Variants in POT1 observed in about 807,000 individuals in gnomAD.
POT1 encodes protection of telomeres 1.
POT1 carries 47 observed loss-of-function variants against 78.5 expected under a neutral mutation model. The observed-to-expected ratio is 0.60, with a 90% CI of 0.47 to 0.76. The LOEUF is 0.76. Ranked by LOEUF, POT1 falls within the 30% of genes least tolerant of loss-of-function variation. The pLI, the probability that POT1 is intolerant of heterozygous loss-of-function variation, is 0.00. For synonymous variants in POT1, 259 were observed against 260.7 expected, an observed-to-expected ratio of 0.99 and a Z score of 0.06; for missense variants, 646 against 749.9, an observed-to-expected ratio of 0.86 and a Z score of 1.62.
chr7:124,870,116 A>G (rs755766634), intron 7 of POT1, among the ~76,000 whole-genome samples: 2 of 152,182 alleles, frequency 1.3e-5, no homozygotes, highest in African/African-American at 2.4e-5. Context: ...GTAACAGAGG[A>G]AAAGATGAAG....
chr7:124,875,139 A>G (rs981662838), intron 6 of POT1, among the ~76,000 whole-genome samples: 2 of 152,170 alleles, frequency 1.3e-5, no homozygotes, highest in African/African-American at 2.4e-5. Flanking sequence ...TCCAAAGACC[A>G]AAGATAAATT....
chr7:124,854,750 A>T (rs1181725806), intron 9 of POT1, among the ~76,000 whole-genome samples: 4 of 151,988 alleles, frequency 2.6e-5, no homozygotes, highest in African/African-American at 9.7e-5. Flanking sequence ...AAAAAGAAAA[A>T]AATAATTTTC....
intron 6 of POT1, among the ~76,000 whole-genome samples, chr7:124,888,362 C>T (rs923568327): frequency 1.3e-5 from 2 of 152,066 alleles, no homozygotes; most frequent in Admixed American, 6.6e-5. Context: ...TGTCGCAATA[C>T]TGTTACTTTT....
chr7:124,907,522 T>C (rs545931154), intron 3 of POT1, among the ~76,000 whole-genome samples: 32 of 152,216 alleles, frequency 2.1e-4, no homozygotes, highest in African/African-American at 7.5e-4. Context: ...GAAGGATGAA[T>C]AGGCAGAGCA....
In POT1 at chr7:124,840,929, T is replaced by C. The variant is rs779237109; in HGVS notation, c.1369+44A>G. 7 of 1,426,298 alleles carry C rather than the reference T, an allele frequency of 4.9e-6. No individual in the cohort carries two copies. In the African/African-American group the frequency reaches 8.5e-5, roughly 17 times the overall value. The allele number at this position is 1,426,298 out of a possible 1,614,324, so 88.4% of individuals were successfully genotyped here. A position where few individuals can be genotyped will look rare whatever the true frequency, so the allele number is the denominator to read the frequency against. On this transcript the variant is annotated intron_variant, in intron 14 of 18. Transcript: ENST00000357628. ...AAACAATAATTAATTAGGAAAAATATGCAAAAGGAGTATTCTAACAAAACA... is the reference window on the plus strand; with the variant it reads ...AAACAATAATTAATTAGGAAAAATACGCAAAAGGAGTATTCTAACAAAACA...
At chr7:124,905,863 T>C (rs544932419) in intron 3 of POT1, among the ~76,000 whole-genome samples, 13 of 152,314 alleles carry the variant, frequency 8.5e-5, no homozygotes, top group African/African-American at 3.1e-4. Context: ...AAGACATTTA[T>C]GCAGCCAACA....
chr7:124,894,563 T>C (rs1261421718), intron 5 of POT1, among the ~76,000 whole-genome samples: 1 of 151,648 alleles, frequency 6.6e-6, no homozygotes, highest in Non-Finnish European at 1.5e-5. Flanking sequence ...AATTCATAAA[T>C]TGATATTTTT....
chr7:124,843,148 C>A, intron 12 of POT1, 185 bp from the exon 13 acceptor site: 1 of 413,396 alleles, frequency 2.4e-6, no homozygotes, highest in South Asian at 7.2e-5. Flanking sequence ...TAGTGCCAGG[C>A]ACAGTAGGTA....
At chr7:124,925,210 A>C (rs1372497829) in intron 2 of POT1, among the ~76,000 whole-genome samples, 1 of 152,074 alleles carries the variant, frequency 6.6e-6, no homozygotes, top group Non-Finnish European at 1.5e-5. Flanking sequence ...GTATACAGAA[A>C]GCCCTCAAGA....
rs1286245417 is a variant in POT1 at position 124,890,738 on chromosome 7, T to C, written c.124+1528A>G. On this transcript the variant is annotated intron_variant, in intron 6 of 18. Transcript: ENST00000357628. ...TTATCATCAAGGTGCATACATTTTT[T>C]AATGTAAACTAGTACAAACACTATA... Among the ~76,000 whole-genome samples, 3 of 151,904 alleles carry C rather than the reference T, an allele frequency of 2.0e-5. No homozygotes were observed. In the East Asian group the frequency reaches 5.8e-4, roughly 29 times the overall value.
chr7:124,855,218 C>CAAAAAAAAA (rs550056711), intron 9 of POT1, among the ~76,000 whole-genome samples: 2 of 52,492 alleles, frequency 3.8e-5, no homozygotes, highest in Non-Finnish European at 3.4e-5. Context: ...GAGAGGAGAG[C>CAAAAAAAAA]AAAAAAAAAA....
chr7:124,902,803 T>C lies in POT1; in HGVS notation c.-153-4429A>G, dbSNP rs577258498. On this transcript the variant is annotated intron_variant, in intron 3 of 18. Transcript: ENST00000357628. ...CCCATCTCACATGCAGAGACAAACA[T>C]AGGCTCAAATTAAAGGGATGGAGGA... 1.2e-3 allele frequency among the ~76,000 whole-genome samples: 178 copies of C among 152,118 alleles called. 1 individual carries two copies. Among genetic ancestry groups the C allele is most frequent in the African/African-American group, 3.9e-3 (162 of 41,490 alleles).
At chr7:124,917,864 G>T (rs1173133182) in intron 2 of POT1, among the ~76,000 whole-genome samples, 1 of 152,146 alleles carries the variant, frequency 6.6e-6, no homozygotes, top group Non-Finnish European at 1.5e-5. Flanking sequence ...CTGCGAAAGG[G>T]CCCTAGCACC....
intron 15 of POT1, 132 bp downstream of exon 15, chr7:124,835,147 A>C: frequency 9.6e-7 from 1 of 1,043,872 alleles, no homozygotes; most frequent in South Asian, 1.6e-5. Flanking sequence ...AATGCAGGTG[A>C]CGGGTTGATG....
intron 12 of POT1, 41 bp from the exon 13 acceptor site, chr7:124,843,004 A>G: frequency 7.1e-7 from 1 of 1,400,782 alleles, no homozygotes; most frequent in Non-Finnish European, 9.6e-7. Context: ...AACAAGAATC[A>G]TATTTATGAC....
At chr7:124,878,159 CAT>C (rs1396552478) in intron 6 of POT1, among the ~76,000 whole-genome samples, 3 of 151,964 alleles carry the variant, frequency 2.0e-5, no homozygotes, top group Non-Finnish European at 4.4e-5. Flanking sequence ...GGCGAAATCT[CAT>C]CTCTACTAAA....
At chr7:124,843,736 G>C (rs1029888674) in intron 12 of POT1, among the ~76,000 whole-genome samples, 18 of 152,280 alleles carry the variant, frequency 1.2e-4, no homozygotes, top group African/African-American at 4.3e-4. Flanking sequence ...ATACATTCTA[G>C]CTTAACACTT....
intron 9 of POT1, among the ~76,000 whole-genome samples, chr7:124,855,686 A>T (rs1245485171): frequency 1.3e-5 from 2 of 151,890 alleles, no homozygotes; most frequent in Non-Finnish European, 2.9e-5. Flanking sequence ...ACACTAAAAA[A>T]AAAAGCAAAG....
intron 6 of POT1, among the ~76,000 whole-genome samples, chr7:124,878,529 T>C (rs570448629): frequency 2.6e-5 from 4 of 152,314 alleles, no homozygotes; most frequent in African/African-American, 9.6e-5. Flanking sequence ...ATATGTTAAT[T>C]AGCTTTATAT....
Sources: allele counts gnomAD v4.1 joint callset (sites outside exome capture counted in the v4.1 genomes callset), GRCh38; gene constraint gnomAD v4.1.1; transcripts MANE v1.5; gene names NCBI Gene and HGNC (gene_info 2026-07-23, HGNC 2026-07-21).